SLC39A14: variants seen among roughly 807,000 people sequenced by gnomAD.
SLC39A14 encodes metal cation symporter ZIP14.
SLC39A14 carries 19 observed loss-of-function variants against 45.5 expected under a neutral mutation model. The ratio of observed to expected loss-of-function variants is 0.42; its 90% CI spans 0.29 to 0.61. The LOEUF (loss-of-function observed/expected upper bound fraction) is 0.61. Ranked by LOEUF, SLC39A14 falls within the 20% of genes least tolerant of loss-of-function variation. The pLI is 0.22. For missense variants in SLC39A14, 447 were observed against 616.5 expected (o/e 0.73, Z 2.91); for synonymous variants, 264 against 251.3 (o/e 1.05, Z -0.48).
At chr8:22,425,188 T>C (rs1267929232), downstream of SLC39A14, among the ~76,000 whole-genome samples, 2 of 151,072 alleles carry the variant, frequency 1.3e-5, no homozygotes, top group Non-Finnish European at 2.9e-5. Context: ...AATTTAGAAA[T>C]GTAAGTTTGA....
Position 22,415,942 on chromosome 8 carries a change from C to T in SLC39A14, c.924C>T (p.Gly308=), listed in dbSNP as rs776751153. 1.6e-5 allele frequency: 25 copies of T among 1,605,664 alleles called. No individual in the cohort carries two copies. The highest frequency in any genetic ancestry group is 2.1e-5 in the Non-Finnish European group (25 of 1,174,980). ...TGGTGGACGAGAAGGTCATTGTGGG[C>T]TCGCTCTCTGTGCAGGTCAGTGGGC... ...APMVDEKVIV[G]SLSVQDLQAS... The change falls in exon 6 of 9, where the codon GGC becomes GGT. Residue 308 remains glycine (G), a synonymous_variant. Coordinates refer to ENST00000381237, the MANE Select transcript of SLC39A14 (RefSeq NM_001128431.4).
chr8:22,422,263 G>C lies in SLC39A14; in HGVS notation c.*2565G>C, dbSNP rs1279502606. ...TCACGTGCAGGAACAGTGAGGCAGG[G>C]ACAGGGGTTCTGCTCCTTCTCACTT... On this transcript the variant is annotated 3_prime_UTR_variant, in exon 9 of 9. Coordinates refer to ENST00000381237, the MANE Select transcript of SLC39A14 (RefSeq NM_001128431.4). The C allele has an allele frequency of 1.0e-6, 1 of 985,414 alleles. No individual in the cohort carries two copies. Among genetic ancestry groups the C allele is most frequent in the Non-Finnish European group, 1.2e-6 (1 of 829,930 alleles). 61.0% of individuals were successfully genotyped at this position (985,414 alleles called of 1,614,324 possible). A position where few individuals can be genotyped will look rare whatever the true frequency, so the allele number is the denominator to read the frequency against.
intron 4 of SLC39A14, among the ~76,000 whole-genome samples, chr8:22,412,872 A>G (rs1835660596): frequency 6.6e-6 from 1 of 152,140 alleles, no homozygotes; most frequent in African/African-American, 2.4e-5. Context: ...CAGGAGATGG[A>G]GGCTGCAGTG....
At position 22,412,182 on chromosome 8, in the gene SLC39A14, C is replaced by T. The variant is rs370343557; in HGVS notation, c.603C>T (p.Asn201=). Residue 201 remains asparagine (N), a synonymous_variant, in exon 4 of 9, where the codon AAC becomes AAT. Transcript: ENST00000381237. ...TGGCGATTGGAACCCTCTACTCCAA[C>T]GCCCTCTTCCAGCTCATCCCGGAGG... The part of the protein sequence containing the change: ...IALAIGTLYS[N]ALFQLIPEAF... 4.1e-5 allele frequency: 64 copies of T among 1,551,608 alleles called. No individual in the cohort carries two copies. The highest frequency in any genetic ancestry group is 8.2e-5 in the African/African-American group (6 of 73,070).
chr8:22,403,435 A>G (rs942759654), intron 1 of SLC39A14, among the ~76,000 whole-genome samples: 1 of 151,306 alleles, frequency 6.6e-6, no homozygotes, highest in African/African-American at 2.4e-5. Context: ...GTGCACCACC[A>G]TGCCTGGCTA....
chr8:22,427,617 T>C (rs1260744724), downstream of SLC39A14, among the ~76,000 whole-genome samples: 1 of 152,182 alleles, frequency 6.6e-6, no homozygotes, highest in Non-Finnish European at 1.5e-5. Flanking sequence ...ACAAGCTCTT[T>C]TGAAGCCATT....
intron 1 of SLC39A14, among the ~76,000 whole-genome samples, chr8:22,391,694 C>T (rs1350281274): frequency 2.6e-5 from 4 of 152,036 alleles, no homozygotes; most frequent in African/African-American, 7.2e-5. Flanking sequence ...CTCAGCCTCC[C>T]GAGTAGCTGG....
chr8:22,405,051 T>C, intron 2 of SLC39A14, 71 bp downstream of exon 2: 1 of 1,497,588 alleles, frequency 6.7e-7, no homozygotes, highest in Non-Finnish European at 9.1e-7. Context: ...CCTGTCTAGT[T>C]GGGCCCAGGG....
At chr8:22,401,862 C>G (rs1234780546) in intron 1 of SLC39A14, among the ~76,000 whole-genome samples, 1 of 151,932 alleles carries the variant, frequency 6.6e-6, no homozygotes, top group Non-Finnish European at 1.5e-5. Flanking sequence ...TTTCTCAGTT[C>G]TAAACTCTGC....
At chr8:22,373,136 G>A (rs774616882) in intron 1 of SLC39A14, among the ~76,000 whole-genome samples, 2 of 151,802 alleles carry the variant, frequency 1.3e-5, no homozygotes, top group Non-Finnish European at 2.9e-5. Context: ...GGTGGTGCAC[G>A]CCTGTAGTCC....
At chr8:22,417,147 C>T (rs1314759450) in intron 7 of SLC39A14, among the ~76,000 whole-genome samples, 2 of 152,220 alleles carry the variant, frequency 1.3e-5, no homozygotes, top group African/African-American at 4.8e-5. Context: ...CTTGTGACTT[C>T]GGGCAAATCA....
intron 1 of SLC39A14, among the ~76,000 whole-genome samples, chr8:22,368,509 T>A (rs1036976320): frequency 1.1e-5 from 1 of 90,858 alleles, no homozygotes; most frequent in African/African-American, 3.8e-5. Flanking sequence ...TTATTTTATT[T>A]TATTTTATTT....
chr8:22,408,531 C>A, intron 3 of SLC39A14, 35 bp downstream of exon 3: 1 of 1,585,506 alleles, frequency 6.3e-7, no homozygotes. Context: ...GCCCATCTCC[C>A]ATCTCGCCCG....
intron 1 of SLC39A14, among the ~76,000 whole-genome samples, chr8:22,368,601 A>T (rs1832771117): frequency 6.6e-6 from 1 of 151,888 alleles, no homozygotes; most frequent in African/African-American, 2.4e-5. Context: ...CAGTGGCGCG[A>T]TCTCGGCTCA....
intron 1 of SLC39A14, among the ~76,000 whole-genome samples, chr8:22,372,507 G>A (rs1482509856): frequency 6.6e-6 from 1 of 152,128 alleles, no homozygotes; most frequent in East Asian, 1.9e-4. Context: ...GCTTATGTTT[G>A]CAGAATATAT....
At chr8:22,393,496 T>C in intron 1 of SLC39A14, among the ~76,000 whole-genome samples, 1 of 152,156 alleles carries the variant, frequency 6.6e-6, no homozygotes, top group East Asian at 1.9e-4. Flanking sequence ...TAGGGCAGTA[T>C]TCAGTTGATG....
At position 22,432,458 on chromosome 8, in the gene SLC39A14, TTCTC is replaced by T. The variant is rs545158574; in HGVS notation, c.1333-1419_1333-1416del. On this transcript the variant is annotated intron_variant, in intron 8 of 8. Coordinates refer to the SLC39A14 transcript ENST00000240095. ...TCTCTCTCTTCTCCCTCCTTCCTTT[TTCTC>T]TCTCTCTCTCTCTTTTTCTCTCTTT... Among the ~76,000 whole-genome samples the T allele has an allele frequency of 4.5e-3, 678 of 150,900 alleles. 6 individuals are homozygous for T. Among genetic ancestry groups the T allele is most frequent in the African/African-American group, 0.016 (643 of 41,166 alleles).
chr8:22,395,398 T>C (rs552388907), intron 1 of SLC39A14, among the ~76,000 whole-genome samples: 2 of 152,358 alleles, frequency 1.3e-5, no homozygotes, highest in Admixed American at 1.3e-4. Context: ...TTCTTGTCCA[T>C]CTGCATTCAC....
downstream of SLC39A14, among the ~76,000 whole-genome samples, chr8:22,423,926 C>T (rs1195168606): frequency 6.6e-6 from 1 of 151,904 alleles, no homozygotes; most frequent in South Asian, 2.1e-4. Context: ...CTGCCTTAAC[C>T]TTTTGAGTAG....
Sources: gnomAD v4.1 joint callset for allele counts (sites outside exome capture counted in the v4.1 genomes callset) on GRCh38, gnomAD v4.1.1 for gene constraint, MANE v1.5 for transcripts, NCBI Gene and HGNC (gene_info 2026-07-23, HGNC 2026-07-21) for gene names.